BTBD9: variants seen among roughly 807,000 people sequenced by gnomAD.
BTBD9 encodes the protein BTB domain containing 9, also known as BTB/POZ domain-containing protein 9.
BTBD9 carries 49 observed loss-of-function variants against 64.3 expected under a neutral mutation model. The ratio of observed to expected loss-of-function variants is 0.76; its 90% CI spans 0.61 to 0.97. BTBD9 has a LOEUF of 0.97. Among genes scored for constraint, BTBD9 ranks in the 50% least tolerant of loss-of-function variants. The pLI, the probability that BTBD9 is intolerant of heterozygous loss-of-function variation, is 0.00. For synonymous variants in BTBD9, 260 were observed against 274.7 expected (o/e 0.95, Z 0.53); for missense variants, 598 against 762.1 (o/e 0.78, Z 2.53).
rs561840798 is a variant in BTBD9, at chr6:38,504,347, A to T, written c.1154+73253T>A. 4.7e-5 allele frequency: 14 copies of T among 299,302 alleles called. No individual in the cohort carries two copies. The East Asian group carries it at 1.1e-3, about 23-fold the overall frequency. 18.5% of individuals were successfully genotyped at this position (299,302 alleles called of 1,614,324 possible). A position where few individuals can be genotyped will look rare whatever the true frequency, so the allele number is the denominator to read the frequency against. ...CAAGTAACCTCCTCTTTAACTGATG[A>T]TGGGCTATTATTTTACGGAGACTAC... is the stretch of plus-strand genomic sequence containing the variant. On this transcript the variant is annotated intron_variant, in intron 6 of 10. Transcript: ENST00000481247.
intron 6 of BTBD9, among the ~76,000 whole-genome samples, chr6:38,561,689 C>T (rs1193127077): frequency 1.3e-5 from 2 of 152,120 alleles, no homozygotes; most frequent in Non-Finnish European, 1.5e-5. Flanking sequence ...TGAATTAACA[C>T]AGGAACAGAA....
intron 9 of BTBD9, among the ~76,000 whole-genome samples, chr6:38,244,104 A>G (rs937226150): frequency 1.3e-5 from 2 of 152,146 alleles, no homozygotes; most frequent in African/African-American, 4.8e-5. Context: ...TTATTCACTG[A>G]CCAACAAATA....
chr6:38,175,081 C>T lies in BTBD9; in HGVS notation c.1743G>A (p.Gln581=), dbSNP rs1400755104. 6.2e-7 allele frequency: 1 copy of T among 1,614,152 alleles called. No individual in the cohort carries two copies. The highest frequency in any genetic ancestry group is 1.3e-5 in the African/African-American group (1 of 74,958). Residue 581 remains glutamine (Q), a synonymous_variant, in exon 11 of 11, where the codon CAG becomes CAA. Coordinates refer to ENST00000481247, the MANE Select transcript of BTBD9 (RefSeq NM_001099272.2). ...SGTGDTSLAG[Q]QLDSHALRAP... ...CCCGCAGCGCATGGGAGTCGAGCTG[C>T]TGACCGGCCAGGCTGGTGTCCCCTG...
intron 6 of BTBD9, among the ~76,000 whole-genome samples, chr6:38,476,747 T>C (rs1770900030): frequency 2.0e-5 from 3 of 152,256 alleles, no homozygotes; most frequent in South Asian, 4.1e-4. Context: ...CCAGTTATTA[T>C]AACACATGAC....
chr6:38,536,920 A>G (rs1774045490), intron 6 of BTBD9, among the ~76,000 whole-genome samples: 1 of 152,176 alleles, frequency 6.6e-6, no homozygotes, highest in South Asian at 2.1e-4. Context: ...CAATAGGGTG[A>G]CTACAGTCAA....
At chr6:38,316,031 C>A (rs1165627424) in intron 7 of BTBD9, among the ~76,000 whole-genome samples, 1 of 152,174 alleles carries the variant, frequency 6.6e-6, no homozygotes, top group Non-Finnish European at 1.5e-5. Flanking sequence ...TATCCTCTTA[C>A]TGAGTTGACC....
intron 9 of BTBD9, among the ~76,000 whole-genome samples, chr6:38,229,658 A>T (rs1475905532): frequency 6.6e-6 from 1 of 152,204 alleles, no homozygotes; most frequent in Non-Finnish European, 1.5e-5. Flanking sequence ...CTCTTATTGA[A>T]TTTGTGGCCA....
intron 9 of BTBD9, among the ~76,000 whole-genome samples, chr6:38,253,808 A>G (rs1232478720): frequency 6.6e-6 from 1 of 151,990 alleles, no homozygotes; most frequent in African/African-American, 2.4e-5. Context: ...CCCCCTTTTC[A>G]TCATCTAGCT....
chr6:38,472,682 G>T (rs1378773813), intron 6 of BTBD9, among the ~76,000 whole-genome samples: 1 of 152,130 alleles, frequency 6.6e-6, no homozygotes, highest in Non-Finnish European at 1.5e-5. Flanking sequence ...ACAGGAGATG[G>T]GATTTTGGTT....
At chr6:38,338,474 G>C (rs1374075983) in intron 7 of BTBD9, among the ~76,000 whole-genome samples, 1 of 152,156 alleles carries the variant, frequency 6.6e-6, no homozygotes, top group African/African-American at 2.4e-5. Context: ...CTGGATCCAT[G>C]CTGGTAAGAC....
chr6:38,416,501 AT>A (rs70981549), intron 6 of BTBD9, among the ~76,000 whole-genome samples: 75,488 of 86,696 alleles, frequency 0.87, 32,975 homozygotes, highest in South Asian at 0.97. Context: ...TGCCCAGCTA[AT>A]TTTTTTTTTT....
chr6:38,592,875 T>G (rs1345642687), intron 3 of BTBD9, 35 bp from the exon 4 acceptor site: 1 of 1,605,662 alleles, frequency 6.2e-7, no homozygotes, highest in African/African-American at 1.3e-5. Flanking sequence ...TCCAGTTATA[T>G]GAAGTTCAAC....
chr6:38,192,098 G>A (rs1388679873), intron 10 of BTBD9, among the ~76,000 whole-genome samples: 6 of 152,198 alleles, frequency 3.9e-5, no homozygotes, highest in Non-Finnish European at 2.9e-5. Flanking sequence ...GGAGGCACAC[G>A]CTTGACACAG....
chr6:38,247,707 G>A (rs969256424), intron 9 of BTBD9, among the ~76,000 whole-genome samples: 2 of 152,242 alleles, frequency 1.3e-5, no homozygotes, highest in African/African-American at 4.8e-5. Context: ...CCCATGGAGA[G>A]AAGCATAAGG....
chr6:38,541,140 C>T (rs1396720073), intron 6 of BTBD9, among the ~76,000 whole-genome samples: 1 of 152,150 alleles, frequency 6.6e-6, no homozygotes, highest in African/African-American at 2.4e-5. Flanking sequence ...AAGTGAAGTA[C>T]ATATTATTCA....
At chr6:38,234,954 A>G (rs191007500) in intron 9 of BTBD9, among the ~76,000 whole-genome samples, 31 of 152,362 alleles carry the variant, frequency 2.0e-4, no homozygotes, top group Non-Finnish European at 2.9e-5. Context: ...AACAATTCCA[A>G]CACAGATTTT....
At chr6:38,466,868 G>A (rs931199259) in intron 6 of BTBD9, among the ~76,000 whole-genome samples, 3 of 152,086 alleles carry the variant, frequency 2.0e-5, no homozygotes, top group South Asian at 2.1e-4. Context: ...GTGAGCCACC[G>A]TACCCTTCCT....
intron 6 of BTBD9, among the ~76,000 whole-genome samples, chr6:38,345,471 A>T (rs546588497): frequency 6.6e-6 from 1 of 152,390 alleles, no homozygotes; most frequent in South Asian, 2.1e-4. Context: ...AATGTGCTGG[A>T]GCACATGTGC....
chr6:38,508,861 C>T (rs776983907), intron 6 of BTBD9, among the ~76,000 whole-genome samples: 8 of 152,088 alleles, frequency 5.3e-5, no homozygotes, highest in Non-Finnish European at 1.0e-4. Flanking sequence ...ACCCTCCCCA[C>T]CCCTCCATCA....
Sources: allele counts gnomAD v4.1 joint callset (sites outside exome capture counted in the v4.1 genomes callset), GRCh38; gene constraint gnomAD v4.1.1; transcripts MANE v1.5; gene names NCBI Gene and HGNC (gene_info 2026-07-23, HGNC 2026-07-21).